Variants in ATG7 observed in about 807,000 individuals in gnomAD.
ATG7 encodes the protein autophagy related 7, also known as ubiquitin-like modifier-activating enzyme ATG7.
In ATG7, 70 loss-of-function variants were observed where a neutral mutation model predicts 82.4. The ratio of observed to expected loss-of-function variants is 0.85; its 90% CI spans 0.70 to 1.04. ATG7 has a LOEUF of 1.04. Ranked by LOEUF, ATG7 falls within the 50% of genes least tolerant of loss-of-function variation. The pLI, the probability that ATG7 is intolerant of heterozygous loss-of-function variation, is 0.00. For synonymous variants in ATG7, 287 were observed against 313.0 expected (o/e 0.92, Z 0.88); for missense variants, 792 against 864.3 (o/e 0.92, Z 1.05).
intron 20 of ATG7, among the ~76,000 whole-genome samples, chr3:11,543,016 G>A (rs541730316): frequency 3.3e-5 from 5 of 152,224 alleles, no homozygotes; most frequent in South Asian, 2.1e-4. Context: ...CACAGGCCTG[G>A]TCTGCTGCCC....
intron 11 of ATG7, among the ~76,000 whole-genome samples, chr3:11,336,656 T>C (rs1952548806): frequency 2.6e-5 from 4 of 152,210 alleles, no homozygotes; most frequent in Admixed American, 2.6e-4. Flanking sequence ...AGGAGTATTA[T>C]TTTAAATTAT....
chr3:11,528,758 G>A (rs1000660794), intron 20 of ATG7, among the ~76,000 whole-genome samples: 2 of 151,020 alleles, frequency 1.3e-5, no homozygotes, highest in African/African-American at 4.9e-5. Flanking sequence ...CCCAGGAGGC[G>A]GAGGTTGCAG....
At chr3:11,411,814 G>A (rs1454115877) in intron 19 of ATG7, among the ~76,000 whole-genome samples, 2 of 151,668 alleles carry the variant, frequency 1.3e-5, no homozygotes, top group Non-Finnish European at 2.9e-5. Context: ...TGCAGCTTTT[G>A]CCCTGTGTTT....
intron 20 of ATG7, among the ~76,000 whole-genome samples, chr3:11,479,007 C>CACACACACAA (rs2088605198): frequency 7.3e-6 from 1 of 136,116 alleles, no homozygotes; most frequent in South Asian, 2.2e-4. Context: ...CACACACACA[C>CACACACACAA]ACACACACAC....
intron 9 of ATG7, among the ~76,000 whole-genome samples, chr3:11,324,817 G>A (rs764849114): frequency 6.6e-6 from 1 of 151,772 alleles, no homozygotes; most frequent in African/African-American, 2.4e-5. Flanking sequence ...CCTAGACCCC[G>A]AGAATATTTG....
chr3:11,564,279 A>C, the ATG7 span, among the ~76,000 whole-genome samples: 1 of 152,132 alleles, frequency 6.6e-6, no homozygotes, highest in Non-Finnish European at 1.5e-5. Context: ...CTATGTACCA[A>C]TCATAGGCTT....
At chr3:11,274,135 C>G (rs527844170) in intron 1 of ATG7, among the ~76,000 whole-genome samples, 8 of 152,276 alleles carry the variant, frequency 5.3e-5, no homozygotes, top group African/African-American at 1.7e-4. Flanking sequence ...CCTTTAAGAG[C>G]TGAGTACTGG....
chr3:11,507,978 C>T (rs568189387), intron 20 of ATG7, among the ~76,000 whole-genome samples: 2 of 151,050 alleles, frequency 1.3e-5, no homozygotes, highest in Admixed American at 6.6e-5. Flanking sequence ...AAACAAAAAA[C>T]AAAACAAAAC....
intron 8 of ATG7, among the ~76,000 whole-genome samples, chr3:11,314,868 G>A (rs1949174140): frequency 6.6e-6 from 1 of 152,190 alleles, no homozygotes; most frequent in South Asian, 2.1e-4. Flanking sequence ...GAGCCCAGGA[G>A]GTCGAGGCTG....
intron 20 of ATG7, among the ~76,000 whole-genome samples, chr3:11,482,296 C>T (rs2089092838): frequency 6.6e-6 from 1 of 152,222 alleles, no homozygotes; most frequent in Admixed American, 6.5e-5. Context: ...GCTCCGAGCT[C>T]TTTCAAGAAA....
At chr3:11,339,877 C>T (rs573941956) in intron 11 of ATG7, among the ~76,000 whole-genome samples, 2 of 152,084 alleles carry the variant, frequency 1.3e-5, no homozygotes, top group African/African-American at 4.8e-5. Context: ...TGTGAATGGC[C>T]AGGTTTGAGT....
chr3:11,285,813 A>G (rs780808495), intron 3 of ATG7, among the ~76,000 whole-genome samples: 1 of 152,224 alleles, frequency 6.6e-6, no homozygotes, highest in African/African-American at 2.4e-5. Flanking sequence ...TTCTACAAGA[A>G]TAAGACAGAT....
intron 20 of ATG7, among the ~76,000 whole-genome samples, chr3:11,530,363 C>T (rs755930047): frequency 3.9e-5 from 6 of 152,130 alleles, no homozygotes; most frequent in Non-Finnish European, 5.9e-5. Context: ...CACTCTGCAT[C>T]GCCACCTTCT....
chr3:11,353,193 C>T (rs540860453), intron 14 of ATG7, among the ~76,000 whole-genome samples: 1 of 152,270 alleles, frequency 6.6e-6, no homozygotes, highest in South Asian at 2.1e-4. Context: ...CCTATAATCC[C>T]AGCACTTTGG....
chr3:11,274,411 A>G (rs1451754981), intron 1 of ATG7, among the ~76,000 whole-genome samples: 2 of 152,102 alleles, frequency 1.3e-5, no homozygotes, highest in Non-Finnish European at 2.9e-5. Flanking sequence ...GACTCATCAG[A>G]GAAGGTTTCA....
At chr3:11,415,939 CACCACA>C (rs772767125) in intron 19 of ATG7, among the ~76,000 whole-genome samples, 18 of 152,298 alleles carry the variant, frequency 1.2e-4, no homozygotes, top group Non-Finnish European at 2.5e-4. Context: ...ACACCAGCAT[CACCACA>C]AACATGGAAG....
chr3:11,292,175 A>G (rs1422045992), intron 3 of ATG7, among the ~76,000 whole-genome samples: 3 of 152,172 alleles, frequency 2.0e-5, no homozygotes, highest in Non-Finnish European at 2.9e-5. Context: ...AGTGGCGTGA[A>G]TCTGGAAGCT....
intron 12 of ATG7, among the ~76,000 whole-genome samples, chr3:11,341,087 CAG>C (rs1953516592): frequency 6.9e-6 from 1 of 144,664 alleles, no homozygotes; most frequent in Non-Finnish European, 1.5e-5. Context: ...CCGCCCCAGA[CAG>C]AGTCTTGCAC....
chr3:11,537,991 GA>G (rs1284210297), intron 20 of ATG7, among the ~76,000 whole-genome samples: 2 of 144,920 alleles, frequency 1.4e-5, no homozygotes, highest in Non-Finnish European at 3.1e-5. Context: ...CCTGAATGTA[GA>G]AGAGGCCAGG....
Sources: allele counts gnomAD v4.1 joint callset (sites outside exome capture counted in the v4.1 genomes callset), GRCh38; gene constraint gnomAD v4.1.1; transcripts MANE v1.5; gene names NCBI Gene and HGNC (gene_info 2026-07-23, HGNC 2026-07-21).